Variants in FARS2 observed in about 807,000 individuals in gnomAD.
FARS2 encodes the protein phenylalanine--tRNA ligase, mitochondrial.
FARS2 carries 40 observed loss-of-function variants against 46.4 expected under a neutral mutation model. The observed-to-expected ratio is 0.86, with a 90% CI of 0.67 to 1.12. The LOEUF (loss-of-function observed/expected upper bound fraction) is 1.12, where lower values mean the gene tolerates loss of function less well. Among genes scored for constraint, FARS2 ranks in the 50% most tolerant of loss-of-function variants. The pLI, the probability that FARS2 is intolerant of heterozygous loss-of-function variation, is 0.00. For synonymous variants in FARS2, 234 were observed against 214.9 expected (o/e 1.09, Z -0.78); for missense variants, 513 against 567.9 (o/e 0.90, Z 0.98).
At chr6:5,580,119 A>G (rs961444490) in intron 5 of FARS2, among the ~76,000 whole-genome samples, 6 of 151,642 alleles carry the variant, frequency 4.0e-5, no homozygotes, top group African/African-American at 1.5e-4. Context: ...GTGAAACTCC[A>G]TCTCCACTAA....
At chr6:5,466,084 G>A (rs776245197) in intron 4 of FARS2, among the ~76,000 whole-genome samples, 4 of 152,134 alleles carry the variant, frequency 2.6e-5, no homozygotes, top group Admixed American at 6.5e-5. Flanking sequence ...CACCTGTGTA[G>A]TTCTTTCTTT....
chr6:5,413,942 T>C (rs910491033), intron 3 of FARS2, among the ~76,000 whole-genome samples: 2 of 152,218 alleles, frequency 1.3e-5, no homozygotes, highest in Admixed American at 1.3e-4. Flanking sequence ...TGTGCTTAGT[T>C]GGACTGCTGA....
intron 6 of FARS2, among the ~76,000 whole-genome samples, chr6:5,656,121 T>C (rs1777596201): frequency 6.6e-6 from 1 of 152,196 alleles, no homozygotes; most frequent in Non-Finnish European, 1.5e-5. Flanking sequence ...TCTCCTTTCA[T>C]CTCCAAGTAC....
intron 6 of FARS2, among the ~76,000 whole-genome samples, chr6:5,660,651 A>G (rs1168875375): frequency 1.0e-4 from 6 of 57,634 alleles, no homozygotes; most frequent in South Asian, 5.0e-4. Context: ...CCTGTCTCAG[A>G]AAAAAAAAAA....
chr6:5,395,632 C>G (rs914484600), intron 2 of FARS2, among the ~76,000 whole-genome samples: 2 of 152,172 alleles, frequency 1.3e-5, no homozygotes, highest in African/African-American at 4.8e-5. Flanking sequence ...TTATTCTCCA[C>G]TAATTAACGT....
chr6:5,689,130 T>G (rs1757483540), intron 6 of FARS2, among the ~76,000 whole-genome samples: 1 of 152,244 alleles, frequency 6.6e-6, no homozygotes, highest in African/African-American at 2.4e-5. Context: ...CTCTCAATTT[T>G]GTTGATCTTT....
intron 3 of FARS2, among the ~76,000 whole-genome samples, chr6:5,407,949 A>T (rs75475218): frequency 1.4e-3 from 217 of 152,322 alleles, no homozygotes; most frequent in Non-Finnish European, 2.4e-3. Flanking sequence ...AGGAGGTAGC[A>T]TTGTGTCTTA....
chr6:5,484,334 A>T (rs73356309), intron 4 of FARS2, among the ~76,000 whole-genome samples: 5,385 of 152,188 alleles, frequency 0.035, 331 homozygotes, highest in African/African-American at 0.12. Context: ...CTTCCTCATC[A>T]TGTATTTGCG....
chr6:5,747,889 T>C (rs940705776), intron 6 of FARS2, among the ~76,000 whole-genome samples: 1 of 152,248 alleles, frequency 6.6e-6, no homozygotes. Flanking sequence ...AATTATTCAA[T>C]TCAGAGATCA....
intron 6 of FARS2, among the ~76,000 whole-genome samples, chr6:5,709,950 C>T (rs1458460981): frequency 1.3e-5 from 2 of 152,268 alleles, no homozygotes; most frequent in South Asian, 2.1e-4. Context: ...TGAAACTAAT[C>T]GTTCTCCTGG....
chr6:5,689,553 G>A (rs1185313602), intron 6 of FARS2, among the ~76,000 whole-genome samples: 4 of 152,126 alleles, frequency 2.6e-5, no homozygotes, highest in Admixed American at 2.6e-4. Context: ...ATTGCACTGT[G>A]GTCTGAGAAA....
chr6:5,301,710 C>A (rs1768312928), intron 1 of FARS2, among the ~76,000 whole-genome samples: 1 of 151,652 alleles, frequency 6.6e-6, no homozygotes, highest in Non-Finnish European at 1.5e-5. Flanking sequence ...CAACTAATAT[C>A]AAACAATTTT....
chr6:5,259,681 C>A (rs976961051), upstream of FARS2, among the ~76,000 whole-genome samples: 3 of 152,182 alleles, frequency 2.0e-5, no homozygotes, highest in African/African-American at 7.2e-5. Context: ...TTATGACATC[C>A]AATCCACAGT....
intron 3 of FARS2, among the ~76,000 whole-genome samples, chr6:5,418,297 T>G (rs182881571): frequency 1.8e-4 from 27 of 152,376 alleles, no homozygotes; most frequent in East Asian, 1.2e-3. Context: ...TACCTTCTGA[T>G]GCATTGGATA....
At chr6:5,291,736 C>G (rs984457091) in intron 1 of FARS2, among the ~76,000 whole-genome samples, 2 of 149,412 alleles carry the variant, frequency 1.3e-5, no homozygotes, top group African/African-American at 2.5e-5. Context: ...CCAGTATGGA[C>G]AACAGCAAGA....
chr6:5,266,185 A>C (rs1765537562), intron 1 of FARS2, among the ~76,000 whole-genome samples: 1 of 152,198 alleles, frequency 6.6e-6, no homozygotes, highest in South Asian at 2.1e-4. Flanking sequence ...GTCTAAGAAA[A>C]AACAATCATG....
At chr6:5,656,248 T>TCA (rs1777601770) in intron 6 of FARS2, among the ~76,000 whole-genome samples, 1 of 152,248 alleles carries the variant, frequency 6.6e-6, no homozygotes, top group Admixed American at 6.5e-5. Flanking sequence ...TGCCAACCTG[T>TCA]CACTGGCTTT....
rs552223230 is a variant in FARS2 at position 5,576,248 on chromosome 6, A to G, written c.1065+30908A>G. On this transcript the variant is annotated intron_variant, in intron 5 of 6. Coordinates refer to ENST00000274680, the MANE Select transcript of FARS2 (RefSeq NM_006567.5). The stretch of plus-strand genomic sequence containing the variant: ...GAGGGTGTTGCCAAAGGAGATTAAC[A>G]TTTGAGTCAGTGGGCTAGGAAAGGC... Among the ~76,000 whole-genome samples the G allele has an allele frequency of 3.3e-5, 5 of 152,242 alleles. No individual in the cohort carries two copies. The South Asian group carries it at 8.3e-4, about 25-fold the overall frequency.
intron 5 of FARS2, among the ~76,000 whole-genome samples, chr6:5,546,558 G>T (rs1214965467): frequency 6.6e-6 from 1 of 151,824 alleles, no homozygotes; most frequent in Non-Finnish European, 1.5e-5. Context: ...CCCTCATCTA[G>T]TATCTTTTCC....
Sources: allele counts gnomAD v4.1 joint callset (sites outside exome capture counted in the v4.1 genomes callset), GRCh38; gene constraint gnomAD v4.1.1; transcripts MANE v1.5; gene names NCBI Gene and HGNC (gene_info 2026-07-23, HGNC 2026-07-21).